The following XIRP2 variants were observed in gnomAD, a reference collection of about 807,000 sequenced individuals.
The protein encoded by XIRP2 is xin actin-binding repeat-containing protein 2.
Under a neutral mutation model 277.0 loss-of-function variants are expected in XIRP2, and 236 were observed. That is an observed-to-expected ratio of 0.85 (90% CI 0.77 to 0.95). The LOEUF (loss-of-function observed/expected upper bound fraction) is 0.95. XIRP2 is among the 40% of genes least tolerant of loss of function. The probability of loss-of-function intolerance (pLI) is 0.00; values close to 1 mark genes in which losing one functional copy is unlikely to be tolerated. For missense variants in XIRP2, 4,640 were observed against 4,157.5 expected (o/e 1.12, Z -3.19); for synonymous variants, 1,490 against 1,416.5 (o/e 1.05, Z -1.17).
At chr2:166,939,688 A>C (rs1277110908) in intron 2 of XIRP2, among the ~76,000 whole-genome samples, 8 of 150,688 alleles carry the variant, frequency 5.3e-5, no homozygotes, top group Non-Finnish European at 7.4e-5. Flanking sequence ...ACAAAAAAAA[A>C]AAAAAAAAAA....
In XIRP2 at chr2:167,258,290, G is replaced by C; in HGVS notation, c.*473G>C. ...TGAATTTAAAAGTGAATCTCTGCTA[G>C]AAGATGTTAGAACTCCAGAAAATAA... On this transcript the variant is annotated 3_prime_UTR_variant, in exon 11 of 11. Coordinates refer to ENST00000409195, the MANE Select transcript of XIRP2 (RefSeq NM_152381.6). 6.2e-7 allele frequency: 1 copy of C among 1,613,364 alleles called. No individual in the cohort carries two copies. The highest frequency in any genetic ancestry group is 8.5e-7 in the Non-Finnish European group (1 of 1,179,634).
intron 2 of XIRP2, among the ~76,000 whole-genome samples, chr2:166,938,959 A>G (rs1574096446): frequency 1.3e-5 from 2 of 152,172 alleles, no homozygotes; most frequent in African/African-American, 2.4e-5. Flanking sequence ...ATCTTCCTCC[A>G]TCCCTTTATT....
At chr2:167,127,656 A>G (rs991730714) in intron 2 of XIRP2, among the ~76,000 whole-genome samples, 2 of 152,128 alleles carry the variant, frequency 1.3e-5, no homozygotes, top group African/African-American at 4.8e-5. Context: ...ACTTCTTTGA[A>G]TTTCAGATAT....
intron 4 of XIRP2, among the ~76,000 whole-genome samples, chr2:167,214,264 A>AAGGAAG (rs1694169981): frequency 2.6e-5 from 2 of 76,546 alleles, no homozygotes; most frequent in Non-Finnish European, 4.6e-5. Context: ...AAGGAAAGAG[A>AAGGAAG]GAGAGAGAAA....
At chr2:166,995,640 A>G (rs962797064) in intron 2 of XIRP2, among the ~76,000 whole-genome samples, 1 of 152,212 alleles carries the variant, frequency 6.6e-6, no homozygotes, top group Non-Finnish European at 1.5e-5. Flanking sequence ...CTCCTATAAT[A>G]TGGGGATAAA....
chr2:167,155,543 A>G (rs1692168189), intron 3 of XIRP2, among the ~76,000 whole-genome samples: 2 of 152,218 alleles, frequency 1.3e-5, no homozygotes, highest in African/African-American at 2.4e-5. Context: ...ACAAAATTCA[A>G]CAGCCCTTCA....
rs1695230591 is a variant in XIRP2 at position 167,245,641 on chromosome 2, A to C, written c.4249A>C (p.Asn1417His). Reference protein sequence around the residue: ...MPSIDHIQGGNVKTSRQFFES... With the variant: ...MPSIDHIQGGHVKTSRQFFES... ...CAGTATTGACCATATACAAGGTGGC[A>C]ATGTAAAGACAAGTAGACAATTCTT... is the stretch of plus-strand genomic sequence containing the variant. Residue 1417 changes from asparagine to histidine, a missense_variant, in exon 9 of 11, where the codon AAT (asparagine) becomes CAT (histidine). Coordinates refer to ENST00000409195, the MANE Select transcript of XIRP2 (RefSeq NM_152381.6). 1.2e-6 allele frequency: 2 copies of C among 1,613,532 alleles called. No individual in the cohort carries two copies. Among genetic ancestry groups the C allele is most frequent in the African/African-American group, 2.7e-5 (2 of 74,904 alleles).
chr2:166,955,836 T>C (rs144057792), intron 2 of XIRP2, among the ~76,000 whole-genome samples: 179 of 151,554 alleles, frequency 1.2e-3, no homozygotes, highest in African/African-American at 4.1e-3. Context: ...TCTTTTTGGC[T>C]AGCATCAGTT....
At chr2:167,154,837 A>T (rs1351486724) in intron 3 of XIRP2, among the ~76,000 whole-genome samples, 26 of 152,152 alleles carry the variant, frequency 1.7e-4, no homozygotes, top group Admixed American at 1.6e-3. Flanking sequence ...AACAAAATTG[A>T]TAGACAGCTA....
At chr2:167,161,276 T>C (rs891737823) in intron 3 of XIRP2, among the ~76,000 whole-genome samples, 5 of 152,198 alleles carry the variant, frequency 3.3e-5, no homozygotes, top group African/African-American at 1.2e-4. Context: ...GTGGCCTTCT[T>C]CTCACAACTC....
At chr2:167,220,346 T>C (rs1694384296) in intron 5 of XIRP2, among the ~76,000 whole-genome samples, 1 of 152,196 alleles carries the variant, frequency 6.6e-6, no homozygotes, top group African/African-American at 2.4e-5. Flanking sequence ...TAGACAAGTC[T>C]CTTAACATCT....
At chr2:167,242,475 G>A (rs960969409) in intron 8 of XIRP2, 94 bp from the exon 9 acceptor site, 22 of 1,289,474 alleles carry the variant, frequency 1.7e-5, no homozygotes, top group Non-Finnish European at 2.3e-5. Flanking sequence ...GATATCATAG[G>A]AGGGTCCAGG....
At chr2:166,930,552 A>T (rs900298058) in intron 2 of XIRP2, among the ~76,000 whole-genome samples, 2 of 152,142 alleles carry the variant, frequency 1.3e-5, no homozygotes, top group African/African-American at 2.4e-5. Context: ...GAAATTTGAG[A>T]TGTAGAAACT....
At position 167,242,625 on chromosome 2, in the gene XIRP2, C is replaced by G; in HGVS notation, c.1233C>G (p.Ser411=). The G allele has an allele frequency of 1.2e-6, 2 of 1,614,000 alleles. No homozygotes were observed. Among genetic ancestry groups the G allele is most frequent in the Non-Finnish European group, 1.7e-6 (2 of 1,179,946 alleles). ...FKPSSVVSTS[S]TSCVSTSQRK... is the part of the protein sequence containing the mutation. Reference sequence around the variant, plus strand: ...CATCATCAGTTGTGAGTACCTCTTCCACTTCTTGCGTTTCAACCAGCCAGA... The same window carrying G: ...CATCATCAGTTGTGAGTACCTCTTCGACTTCTTGCGTTTCAACCAGCCAGA... Residue 411 remains serine, a synonymous_variant, in exon 9 of 11, where the codon TCC becomes TCG. Coordinates refer to ENST00000409195, the MANE Select transcript of XIRP2 (RefSeq NM_152381.6).
At chr2:167,207,797 TA>T (rs1693902892) in intron 3 of XIRP2, among the ~76,000 whole-genome samples, 2 of 152,256 alleles carry the variant, frequency 1.3e-5, no homozygotes, top group South Asian at 4.1e-4. Flanking sequence ...AAAATGTAAA[TA>T]TTTTTTCCAA....
At chr2:167,112,020 A>T (rs910005517) in intron 2 of XIRP2, among the ~76,000 whole-genome samples, 2 of 151,878 alleles carry the variant, frequency 1.3e-5, no homozygotes, top group Admixed American at 1.3e-4. Flanking sequence ...TGCCTTTGTT[A>T]TTTCTAATTG....
At chr2:167,179,494 G>A (rs1189814721) in intron 3 of XIRP2, among the ~76,000 whole-genome samples, 1 of 151,638 alleles carries the variant, frequency 6.6e-6, no homozygotes, top group Non-Finnish European at 1.5e-5. Context: ...CTAATTTTTT[G>A]TATCTTTAGT....
At chr2:167,070,871 C>T (rs1361143058) in intron 2 of XIRP2, among the ~76,000 whole-genome samples, 1 of 152,140 alleles carries the variant, frequency 6.6e-6, no homozygotes, top group Non-Finnish European at 1.5e-5. Flanking sequence ...AAGGAAACAA[C>T]ATGTAATACT....
At position 167,243,270 on chromosome 2, in the gene XIRP2, C is replaced by T. The variant is rs1175158964; in HGVS notation, c.1878C>T (p.Ile626=). 4.3e-6 allele frequency: 7 copies of T among 1,613,614 alleles called. No homozygotes were observed. Among genetic ancestry groups the T allele is most frequent in the East Asian group, 4.5e-5 (2 of 44,816 alleles). Reference sequence around the variant, plus strand: ...CATGGATGTTTGAAACCCAACCCATCGACACACTTGGGGCTTATTCTTCTG... The same window carrying T: ...CATGGATGTTTGAAACCCAACCCATTGACACACTTGGGGCTTATTCTTCTG... ...YTTWMFETQP[I]DTLGAYSSDT... The change falls in exon 9 of 11, where the codon ATC becomes ATT. Residue 626 remains isoleucine (I), a synonymous_variant. Coordinates refer to ENST00000409195, the MANE Select transcript of XIRP2 (RefSeq NM_152381.6).
Sources: allele counts gnomAD v4.1 joint callset (sites outside exome capture counted in the v4.1 genomes callset), GRCh38; gene constraint gnomAD v4.1.1; transcripts MANE v1.5; gene names NCBI Gene and HGNC (gene_info 2026-07-23, HGNC 2026-07-21).